The following RTN1 variants were observed in gnomAD, a reference collection of about 807,000 sequenced individuals.
RTN1 encodes the protein reticulon 1.
In RTN1, 25 loss-of-function variants were observed where a neutral mutation model predicts 65.5. The observed-to-expected ratio is 0.38, with a 90% CI of 0.28 to 0.53. The LOEUF is 0.53. RTN1 is among the 20% of genes least tolerant of loss of function. The pLI is 0.79. For missense variants in RTN1, 983 were observed against 1,025.4 expected, an observed-to-expected ratio of 0.96 and a Z score of 0.57; for synonymous variants, 471 against 447.6, an observed-to-expected ratio of 1.05 and a Z score of -0.66.
chr14:59,778,513 G>GCTCA (rs1318483561), intron 1 of RTN1, among the ~76,000 whole-genome samples: 1 of 152,152 alleles, frequency 6.6e-6, no homozygotes, highest in Non-Finnish European at 1.5e-5. Flanking sequence ...TTCATTGAGT[G>GCTCA]CTCACTGCAT....
At chr14:59,749,915 C>A (rs1186186821) in intron 1 of RTN1, among the ~76,000 whole-genome samples, 1 of 108,350 alleles carries the variant, frequency 9.2e-6, no homozygotes, top group Non-Finnish European at 1.7e-5. Context: ...TGGGAATCAA[C>A]CTCTTCCTCC....
chr14:59,671,477 C>T (rs79827943), intron 3 of RTN1, among the ~76,000 whole-genome samples: 3,249 of 152,248 alleles, frequency 0.021, 123 homozygotes, highest in African/African-American at 0.075. Context: ...CACATATTAA[C>T]ATATACCAAA....
chr14:59,609,678 C>T (rs1027385645), intron 3 of RTN1, among the ~76,000 whole-genome samples: 2 of 152,148 alleles, frequency 1.3e-5, no homozygotes, highest in East Asian at 1.9e-4. Context: ...AGGTCTTTGA[C>T]GGTCCGGGGC....
intron 2 of RTN1, among the ~76,000 whole-genome samples, chr14:59,732,291 C>T (rs988675661): frequency 9.2e-5 from 14 of 152,152 alleles, no homozygotes; most frequent in African/African-American, 1.4e-4. Flanking sequence ...AAAAGTTAAT[C>T]CTGAAGAAGT....
intron 1 of RTN1, among the ~76,000 whole-genome samples, chr14:59,854,913 T>C (rs1887577857): frequency 6.6e-6 from 1 of 152,198 alleles, no homozygotes; most frequent in South Asian, 2.1e-4. Context: ...ACATTGTAAG[T>C]GTTATAGAAA....
intron 3 of RTN1, among the ~76,000 whole-genome samples, chr14:59,717,958 C>T (rs576435095): frequency 2.0e-5 from 3 of 152,308 alleles, no homozygotes; most frequent in South Asian, 2.1e-4. Context: ...GATGCATTAG[C>T]CCCTTCCTAG....
chr14:59,814,115 T>C (rs1307879986), intron 1 of RTN1, among the ~76,000 whole-genome samples: 1 of 152,212 alleles, frequency 6.6e-6, no homozygotes, highest in Admixed American at 6.5e-5. Context: ...TTTGCTCTCA[T>C]GCACACAAAA....
At position 59,736,990 on chromosome 14, in the gene RTN1, A is replaced by T. The variant is rs1885015116; in HGVS notation, c.1015+8718T>A. On this transcript the variant is annotated intron_variant, in intron 2 of 8. Transcript: ENST00000267484. Reference sequence around the variant, plus strand: ...TCCTTCATATTAAAAACTGTCAATAAACTGGGTTTTGAAGGAACATACCTC... The same window carrying T: ...TCCTTCATATTAAAAACTGTCAATATACTGGGTTTTGAAGGAACATACCTC... Among the ~76,000 whole-genome samples the T allele has an allele frequency of 1.3e-5, 2 of 152,256 alleles. 1 individual carries two copies. Among genetic ancestry groups the T allele is most frequent in the African/African-American group, 4.8e-5 (2 of 41,474 alleles).
At chr14:59,788,462 A>C (rs981066947) in intron 1 of RTN1, among the ~76,000 whole-genome samples, 4 of 152,184 alleles carry the variant, frequency 2.6e-5, no homozygotes, top group African/African-American at 9.7e-5. Context: ...TTTGATTAGG[A>C]ATGAGATAAT....
intron 1 of RTN1, among the ~76,000 whole-genome samples, chr14:59,761,227 G>T (rs897190989): frequency 6.6e-6 from 1 of 152,118 alleles, no homozygotes; most frequent in African/African-American, 2.4e-5. Flanking sequence ...ACCCTGATAT[G>T]GTTTGGCTGT....
At chr14:59,632,546 A>G (rs890702131) in intron 3 of RTN1, among the ~76,000 whole-genome samples, 1 of 149,886 alleles carries the variant, frequency 6.7e-6, no homozygotes, top group Non-Finnish European at 1.5e-5. Flanking sequence ...TGTGGCCACT[A>G]GGAGGCACTG....
At chr14:59,665,273 T>C (rs140164765) in intron 3 of RTN1, among the ~76,000 whole-genome samples, 4,893 of 152,208 alleles carry the variant, frequency 0.032, 108 homozygotes, top group Non-Finnish European at 0.05. Flanking sequence ...CAAAAGACAG[T>C]GGGGGCCAAT....
At chr14:59,828,645 C>G (rs1887074835) in intron 1 of RTN1, among the ~76,000 whole-genome samples, 1 of 152,166 alleles carries the variant, frequency 6.6e-6, no homozygotes, top group Non-Finnish European at 1.5e-5. Context: ...CAGGGAATAG[C>G]CCACTACAGA....
chr14:59,631,978 C>G (rs1566666939), intron 3 of RTN1, among the ~76,000 whole-genome samples: 1 of 152,196 alleles, frequency 6.6e-6, no homozygotes, highest in African/African-American at 2.4e-5. Context: ...TTGCATACCC[C>G]ACACCAGCAT....
intron 3 of RTN1, among the ~76,000 whole-genome samples, chr14:59,626,655 C>G (rs1376424086): frequency 6.6e-6 from 1 of 152,216 alleles, no homozygotes; most frequent in Non-Finnish European, 1.5e-5. Context: ...TCATAATGTT[C>G]TGTGTTCAGA....
intron 1 of RTN1, among the ~76,000 whole-genome samples, chr14:59,764,895 C>T (rs1159105479): frequency 6.6e-6 from 1 of 152,196 alleles, no homozygotes; most frequent in East Asian, 1.9e-4. Context: ...TTCCATGAAA[C>T]GAATGTTCTA....
intron 1 of RTN1, among the ~76,000 whole-genome samples, chr14:59,830,008 T>G (rs892914702): frequency 2.0e-5 from 3 of 152,258 alleles, no homozygotes; most frequent in Admixed American, 2.0e-4. Context: ...TTTAGTCTTG[T>G]GTGACTTTCT....
In RTN1 at chr14:59,717,658, C is replaced by T. The variant is rs1292279381; in HGVS notation, c.1765+9261G>A. On this transcript the variant is annotated intron_variant, in intron 3 of 8. Coordinates refer to ENST00000267484, the MANE Select transcript of RTN1 (RefSeq NM_021136.3). ...CATCCCCTGGATGAGCTGGCAAGAC[C>T]AGGCTGTGTTTACATGATCTCCCCT... Among the ~76,000 whole-genome samples the T allele has an allele frequency of 4.6e-5, 7 of 152,170 alleles. 1 individual carries two copies. The highest frequency in any genetic ancestry group is 4.6e-4 in the Admixed American group (7 of 15,282).
intron 1 of RTN1, among the ~76,000 whole-genome samples, chr14:59,817,768 C>A (rs1886849296): frequency 6.6e-6 from 1 of 152,136 alleles, no homozygotes; most frequent in South Asian, 2.1e-4. Context: ...TTGTCCATAG[C>A]TTTGTTGTCA....
Sources: gnomAD v4.1 joint callset for allele counts (sites outside exome capture counted in the v4.1 genomes callset) on GRCh38, gnomAD v4.1.1 for gene constraint, MANE v1.5 for transcripts, NCBI Gene and HGNC (gene_info 2026-07-23, HGNC 2026-07-21) for gene names.